Variants in STPG2 observed in about 807,000 individuals in gnomAD.
STPG2 encodes the protein sperm tail PG-rich repeat containing 2.
In STPG2, 56 loss-of-function variants were observed where a neutral mutation model predicts 54.2. That is an observed-to-expected ratio of 1.03 (90% CI 0.83 to 1.29). The LOEUF is 1.29. Among genes scored for constraint, STPG2 ranks in the 50% most tolerant of loss-of-function variants. The pLI, the probability that STPG2 is intolerant of heterozygous loss-of-function variation, is 0.00. For synonymous variants in STPG2, 200 were observed against 181.8 expected (o/e 1.10, Z -0.81); for missense variants, 596 against 544.9 (o/e 1.09, Z -0.93).
chr4:97,468,192 C>G (rs901810247), intron 4 of STPG2, among the ~76,000 whole-genome samples: 1 of 151,816 alleles, frequency 6.6e-6, no homozygotes, highest in Non-Finnish European at 1.5e-5. Context: ...AACTTTTTTT[C>G]CAATGTAATG....
At chr4:97,886,741 G>A (rs549775111) in intron 8 of STPG2, among the ~76,000 whole-genome samples, 1 of 152,196 alleles carries the variant, frequency 6.6e-6, no homozygotes, top group Non-Finnish European at 1.5e-5. Context: ...ATATGGTTTG[G>A]ATCTGTGTCA....
At chr4:97,825,349 T>C (rs891049562) in intron 9 of STPG2, among the ~76,000 whole-genome samples, 3 of 152,170 alleles carry the variant, frequency 2.0e-5, no homozygotes, top group African/African-American at 7.2e-5. Flanking sequence ...AAATTTACTT[T>C]TGGGGATAGC....
chr4:97,710,888 C>T (rs570081811), intron 10 of STPG2, among the ~76,000 whole-genome samples: 1 of 152,012 alleles, frequency 6.6e-6, no homozygotes, highest in African/African-American at 2.4e-5. Flanking sequence ...CCTTGAAGTT[C>T]AGTAAATATA....
chr4:97,939,662 C>T (rs1321097597), intron 8 of STPG2, among the ~76,000 whole-genome samples: 1 of 152,176 alleles, frequency 6.6e-6, no homozygotes, highest in Non-Finnish European at 1.5e-5. Context: ...GACAGATTTT[C>T]CTCCATCCCT....
intron 7 of STPG2, among the ~76,000 whole-genome samples, chr4:97,951,318 T>C (rs1733456246): frequency 6.6e-6 from 1 of 152,184 alleles, no homozygotes; most frequent in Non-Finnish European, 1.5e-5. Flanking sequence ...ATAAATTGGC[T>C]CTCTCCAGGC....
At chr4:97,484,457 C>T (rs113466445) in intron 4 of STPG2, among the ~76,000 whole-genome samples, 2,467 of 151,504 alleles carry the variant, frequency 0.016, 63 homozygotes, top group African/African-American at 0.057. Context: ...AAGTAGAAAA[C>T]CTAGAAAAGA....
At chr4:97,998,397 C>G (rs1186082826) in intron 5 of STPG2, among the ~76,000 whole-genome samples, 1 of 152,154 alleles carries the variant, frequency 6.6e-6, no homozygotes, top group African/African-American at 2.4e-5. Flanking sequence ...ATGTAAATAT[C>G]TTGGATATTC....
chr4:97,810,298 T>C (rs558357082), intron 9 of STPG2, among the ~76,000 whole-genome samples: 1 of 152,082 alleles, frequency 6.6e-6, no homozygotes, highest in East Asian at 1.9e-4. Flanking sequence ...ACCCCGTCTC[T>C]ACTAAAAATA....
intron 10 of STPG2, among the ~76,000 whole-genome samples, chr4:97,662,662 T>C (rs1314598303): frequency 6.6e-6 from 1 of 152,178 alleles, no homozygotes; most frequent in East Asian, 1.9e-4. Context: ...ATATACATCA[T>C]GGAATACTAC....
chr4:97,552,369 T>C (rs752546038), intron 4 of STPG2, among the ~76,000 whole-genome samples: 36 of 152,236 alleles, frequency 2.4e-4, no homozygotes, highest in Non-Finnish European at 4.6e-4. Context: ...AAAAATTATA[T>C]TAGCAATTAG....
At chr4:97,563,574 T>G (rs1195995672) in intron 10 of STPG2, among the ~76,000 whole-genome samples, 1 of 152,210 alleles carries the variant, frequency 6.6e-6, no homozygotes, top group Non-Finnish European at 1.5e-5. Flanking sequence ...TTGTGGGCAT[T>G]TAGTGCTATA....
At chr4:97,626,818 C>T (rs980568912) in intron 10 of STPG2, among the ~76,000 whole-genome samples, 6 of 151,862 alleles carry the variant, frequency 4.0e-5, no homozygotes, top group Admixed American at 6.6e-5. Flanking sequence ...TACATAGTAG[C>T]TTTTAAGTAA....
intron 9 of STPG2, among the ~76,000 whole-genome samples, chr4:97,793,408 A>G (rs1727068750): frequency 7.0e-6 from 1 of 142,904 alleles, no homozygotes; most frequent in Non-Finnish European, 1.5e-5. Context: ...CACACAGAGA[A>G]ATAGCATACA....
At chr4:97,753,368 T>G (rs1294599627) in intron 9 of STPG2, among the ~76,000 whole-genome samples, 5 of 152,024 alleles carry the variant, frequency 3.3e-5, no homozygotes, top group Non-Finnish European at 7.4e-5. Context: ...TCATTAAGCA[T>G]CATATTTTCA....
At chr4:97,736,356 C>T (rs11730720) in intron 9 of STPG2, among the ~76,000 whole-genome samples, 8,167 of 152,156 alleles carry the variant, frequency 0.054, 310 homozygotes, top group Non-Finnish European at 0.084. Context: ...AGACAGTGGG[C>T]GCAGGACAGT....
intron 8 of STPG2, among the ~76,000 whole-genome samples, chr4:97,903,046 TG>T (rs1374381008): frequency 6.6e-6 from 1 of 152,134 alleles, no homozygotes; most frequent in African/African-American, 2.4e-5. Flanking sequence ...AGTAGAAGGA[TG>T]GTTACTAGGA....
chr4:97,581,411 A>G (rs1160963618), intron 10 of STPG2, among the ~76,000 whole-genome samples: 1 of 152,106 alleles, frequency 6.6e-6, no homozygotes, highest in East Asian at 1.9e-4. Flanking sequence ...ACTAAAAATT[A>G]TATTTGGCCT....
chr4:97,700,149 G>A (rs1723723455), intron 10 of STPG2, among the ~76,000 whole-genome samples: 1 of 152,136 alleles, frequency 6.6e-6, no homozygotes, highest in Admixed American at 6.5e-5. Context: ...AGAGGTCTCT[G>A]CTGTGATTCA....
intron 10 of STPG2, among the ~76,000 whole-genome samples, chr4:97,590,260 G>C (rs959608225): frequency 2.6e-5 from 4 of 152,026 alleles, no homozygotes; most frequent in Admixed American, 6.6e-5. Flanking sequence ...GAAGCTGAAA[G>C]GCTGAAGAAA....
Sources: gnomAD v4.1 joint callset for allele counts (sites outside exome capture counted in the v4.1 genomes callset) on GRCh38, gnomAD v4.1.1 for gene constraint, MANE v1.5 for transcripts, NCBI Gene and HGNC (gene_info 2026-07-23, HGNC 2026-07-21) for gene names.